Variants in NOTCH1 observed in about 807,000 individuals in gnomAD.
The protein encoded by NOTCH1 is notch receptor 1, also known as neurogenic locus notch homolog protein 1.
Under a neutral mutation model 254.8 loss-of-function variants are expected in NOTCH1, and 37 were observed. The ratio of observed to expected loss-of-function variants is 0.15; its 90% CI spans 0.11 to 0.19. The LOEUF is 0.19. Ranked by LOEUF, NOTCH1 falls within the 10% of genes least tolerant of loss-of-function variation. The pLI is 1.00. For missense variants in NOTCH1, 2,972 were observed against 3,708.6 expected, an observed-to-expected ratio of 0.80 and a Z score of 5.16; for synonymous variants, 1,731 against 1,618.1, an observed-to-expected ratio of 1.07 and a Z score of -1.68.
chr9:136,538,228 C>T lies in NOTCH1; in HGVS notation c.140+5796G>A, dbSNP rs113645795. On this transcript the variant is annotated intron_variant, in intron 2 of 33. Coordinates refer to ENST00000651671, the MANE Select transcript of NOTCH1 (RefSeq NM_017617.5). ...GTGGGGCAGGGCCACAAGGAGAACC[C>T]AACCAGGCAACTTTGGAAAAGGGCT... Among the ~76,000 whole-genome samples, 1,422 of 152,240 alleles carry T rather than the reference C, an allele frequency of 9.3e-3. 3 individuals carry two copies. The highest frequency in any genetic ancestry group is 0.015 in the Non-Finnish European group (1,050 of 68,000).
At position 136,501,615 on chromosome 9, in the gene NOTCH1, C is replaced by T. The variant is rs140999469; in HGVS notation, c.5638+133G>A. 2.8e-3 allele frequency: 3,114 copies of T among 1,112,414 alleles called. 7 individuals are homozygous for T. The highest frequency in any genetic ancestry group is 3.7e-3 in the Non-Finnish European group (2,891 of 775,088). 68.9% of individuals were successfully genotyped at this position (1,112,414 alleles called of 1,614,324 possible). On this transcript the variant is annotated intron_variant, in intron 30 of 33. Transcript: ENST00000651671. ...CCCCACGTCTACTCTGAATGGGAAA[C>T]ACCCCAAGGATGAAAGCTCTCACCC...
In NOTCH1 at chr9:136,522,433, G is replaced by A. The variant is rs528181740; in HGVS notation, c.742+417C>T. Among the ~76,000 whole-genome samples, 6 of 152,318 alleles carry A rather than the reference G, an allele frequency of 3.9e-5. No homozygotes were observed. In the East Asian group the frequency reaches 1.2e-3, roughly 29 times the overall value. ...CTGCGCCTACCTGTCACCCACACCC[G>A]CAGGAGACCAGCAGGATGGCAGGAA... On this transcript the variant is annotated intron_variant, in intron 4 of 33. Transcript: ENST00000651671.
chr9:136,508,169 G>A (rs2133346768), intron 20 of NOTCH1, 30 bp from the exon 21 acceptor site: 1 of 1,608,438 alleles, frequency 6.2e-7, no homozygotes, highest in Non-Finnish European at 8.5e-7. Context: ...AGACAGGTGA[G>A]GCCCAGGCCC....
In NOTCH1 at chr9:136,504,101, G is replaced by C. The variant is rs561723801; in HGVS notation, c.5018+572C>G. Among the ~76,000 whole-genome samples the C allele has an allele frequency of 1.1e-4, 17 of 152,320 alleles. No individual in the cohort carries two copies. The East Asian group carries it at 3.1e-3, about 28-fold the overall frequency. ...CCTGCCTCCTCTCCAGCCCAAGCCA[G>C]GCAGACGCCATGACCAAGCGGCATT... On this transcript the variant is annotated intron_variant, in intron 26 of 33. Coordinates refer to ENST00000651671, the MANE Select transcript of NOTCH1 (RefSeq NM_017617.5).
chr9:136,528,046 T>C (rs1171957425), intron 2 of NOTCH1, among the ~76,000 whole-genome samples: 2 of 152,020 alleles, frequency 1.3e-5, no homozygotes, highest in Non-Finnish European at 2.9e-5. Context: ...ATTGTGCTGT[T>C]TTCCTTTCTA....
At position 136,507,452 on chromosome 9, in the gene NOTCH1, G is replaced by C. The variant is rs934417658; in HGVS notation, c.3511-15C>G. ...CCGGCCACGCACTGTGCAGGCGACAGAACGAGGGGCCCTTCGGCTCAGCCG... is the reference window on the plus strand; with the variant it reads ...CCGGCCACGCACTGTGCAGGCGACACAACGAGGGGCCCTTCGGCTCAGCCG... On this transcript the variant is annotated splice_polypyrimidine_tract_variant and intron_variant, in intron 21 of 33. Coordinates refer to ENST00000651671, the MANE Select transcript of NOTCH1 (RefSeq NM_017617.5). The C allele has an allele frequency of 8.8e-6, 14 of 1,595,134 alleles. No homozygotes were observed. Among genetic ancestry groups the C allele is most frequent in the South Asian group, 7.9e-5 (7 of 88,594 alleles).
In NOTCH1 at chr9:136,517,256, C is replaced by A. The variant is rs368798926; in HGVS notation, c.1555+16G>T. The stretch of plus-strand genomic sequence containing the variant: ...GTGCAGACGACCCGGGGGCAGGGGG[C>A]GGGGGTGGCCCTCACCCGTGGGGCA... On this transcript the variant is annotated intron_variant, in intron 9 of 33. Transcript: ENST00000651671. 1 of 1,525,748 alleles carries A rather than the reference C, an allele frequency of 6.6e-7. No homozygotes were observed. Among genetic ancestry groups the A allele is most frequent in the Non-Finnish European group, 9.0e-7 (1 of 1,114,142 alleles). The allele number at this position is 1,525,748 out of a possible 1,614,324, so 94.5% of individuals were successfully genotyped here. A position where few individuals can be genotyped will look rare whatever the true frequency, so the allele number is the denominator to read the frequency against.
chr9:136,543,129 GC>G (rs1426143258), intron 2 of NOTCH1: 2 of 159,146 alleles, frequency 1.3e-5, no homozygotes, highest in Admixed American at 1.3e-4. Flanking sequence ...CTCTTCCCCA[GC>G]CCCAGCCTGA....
At chr9:136,497,978 C>G (rs1488126681) in intron 33 of NOTCH1, among the ~76,000 whole-genome samples, 1 of 152,156 alleles carries the variant, frequency 6.6e-6, no homozygotes, top group Non-Finnish European at 1.5e-5. Context: ...ATCAAGCCAC[C>G]CTGGTGGCCA....
Position 136,545,797 on chromosome 9 carries a change from C to T in NOTCH1, c.-11G>A, listed in dbSNP as rs1387473712. On this transcript the variant is annotated 5_prime_UTR_variant, in exon 1 of 34. Coordinates refer to ENST00000651671, the MANE Select transcript of NOTCH1 (RefSeq NM_017617.5). This position sits in a 1 kb window ranked among gnomAD's most constrained non-coding sequence, Gnocchi z 6.8. ...CAGGAGCGGCGGCATGCCTCCCCAC[C>T]GGCTGCCCTCTGCGCCCGGGCGGCG... 8 of 1,287,926 alleles carry T rather than the reference C, an allele frequency of 6.2e-6. No homozygotes were observed. The highest frequency in any genetic ancestry group is 7.9e-6 in the Non-Finnish European group (8 of 1,017,080). The allele number at this position is 1,287,926 out of a possible 1,614,324, so 79.8% of individuals were successfully genotyped here.
intron 2 of NOTCH1, among the ~76,000 whole-genome samples, chr9:136,532,046 G>A (rs1589077733): frequency 6.6e-6 from 1 of 152,196 alleles, no homozygotes; most frequent in South Asian, 2.1e-4. Context: ...CACTCTGCCC[G>A]GGCCCAGCGT....
In NOTCH1 at chr9:136,500,655, G is replaced by A. The variant is rs2133325938; in HGVS notation, c.5831C>T (p.Ala1944Val). Residue 1944 changes from alanine to valine, a missense_variant, in exon 31 of 34, where the codon GCC becomes GTC. Ala to Val is a moderately conservative substitution (Grantham distance 64). Coordinates refer to ENST00000651671, the MANE Select transcript of NOTCH1 (RefSeq NM_017617.5). The part of the protein sequence containing the change: ...LAARYSRSDA[A>V]KRLLEASADA... ...TGCGCTGGCCTCCAGCAGGCGCTTG[G>A]CGGCATCAGAGCGTGAGTAGCGGGC... 1 of 1,611,834 alleles carries A rather than the reference G, an allele frequency of 6.2e-7. No homozygotes were observed. Among genetic ancestry groups the A allele is most frequent in the Non-Finnish European group, 8.5e-7 (1 of 1,179,892 alleles).
At position 136,506,574 on chromosome 9, in the gene NOTCH1, C is replaced by T. The variant is rs1843088920; in HGVS notation, c.3967G>A (p.Ala1323Thr). Residue 1323 changes from alanine (A) to threonine (T), a missense_variant, in exon 24 of 34, where the codon GCC becomes ACC. Around this residue, in one of 8 missense-constraint regions of NOTCH1, gnomAD observed 1,343 missense variants for 1,557.0 expected, o/e 0.86. Transcript: ENST00000651671. This position sits in a 1 kb window ranked among gnomAD's most constrained non-coding sequence, Gnocchi z 4.5. The stretch of plus-strand genomic sequence containing the variant: ...CCGCGGGCGGTGTTGGAGGCCACGG[C>T]GCAGGTGCCCCCATTCTTGCAGGGC... ...GKPCKNGGTC[A>T]VASNTARGFI... The T allele has an allele frequency of 3.1e-6, 5 of 1,610,600 alleles. No individual in the cohort carries two copies. The highest frequency in any genetic ancestry group is 2.2e-5 in the East Asian group (1 of 44,826).
At chr9:136,504,372 C>T (rs1179057450) in intron 26 of NOTCH1, among the ~76,000 whole-genome samples, 3 of 152,208 alleles carry the variant, frequency 2.0e-5, no homozygotes, top group Non-Finnish European at 4.4e-5. Flanking sequence ...TATCCAGTGC[C>T]TAAGGCACAG....
At position 136,496,581 on chromosome 9, in the gene NOTCH1, C is replaced by T. The variant is rs371664086; in HGVS notation, c.7158G>A (p.Gln2386=). 24 of 1,612,410 alleles carry T rather than the reference C, an allele frequency of 1.5e-5. No individual in the cohort carries two copies. Among genetic ancestry groups the T allele is most frequent in the African/African-American group, 2.7e-5 (2 of 74,946 alleles). ...GCTGCTGCATCTGTAAGTTTTGTGG[C>T]TGCACCTGCTGGGTCTGCACCAGGT... The part of the protein sequence containing the change: ...QPHLVQTQQV[Q]PQNLQMQQQN... The change falls in exon 34 of 34, where the codon CAG becomes CAA. Residue 2386 remains glutamine (Q), a synonymous_variant. Transcript: ENST00000651671.
rs1476071663 is a variant in NOTCH1 at position 136,531,803 on chromosome 9, T to A, written c.141-7824A>T. 4.6e-5 allele frequency among the ~76,000 whole-genome samples: 7 copies of A among 152,238 alleles called. 1 individual carries two copies. The highest frequency in any genetic ancestry group is 1.0e-4 in the Non-Finnish European group (7 of 68,026). Reference sequence around the variant, plus strand: ...TCCCGGGAAACCACCAGGACACCTCTGTGTGCCTCCCGATTCGGCCGCAGA... The same window carrying A: ...TCCCGGGAAACCACCAGGACACCTCAGTGTGCCTCCCGATTCGGCCGCAGA... On this transcript the variant is annotated intron_variant, in intron 2 of 33. Transcript: ENST00000651671.
chr9:136,514,489 A>G, intron 13 of NOTCH1, 21 bp downstream of exon 13: 1 of 1,552,910 alleles, frequency 6.4e-7, no homozygotes, highest in Non-Finnish European at 8.7e-7. Flanking sequence ...ATGTGTCCCC[A>G]TGATCGGCCC....
At chr9:136,498,706 A>T (rs1378804748) in intron 33 of NOTCH1, among the ~76,000 whole-genome samples, 193 bp downstream of exon 33, 1 of 152,102 alleles carries the variant, frequency 6.6e-6, no homozygotes, top group East Asian at 1.9e-4. Context: ...AGGGCTCCAT[A>T]AACGGGGGCT....
chr9:136,529,100 C>G (rs550632662), intron 2 of NOTCH1, among the ~76,000 whole-genome samples: 1 of 152,334 alleles, frequency 6.6e-6, no homozygotes, highest in Non-Finnish European at 1.5e-5. Context: ...TGCTAAGACC[C>G]AGCAAGGCTG....
Sources: allele counts gnomAD v4.1 joint callset (sites outside exome capture counted in the v4.1 genomes callset), GRCh38; gene constraint gnomAD v4.1.1; regional missense constraint gnomAD v4.1.1; non-coding constraint Gnocchi (gnomAD v3.1); transcripts MANE v1.5; gene names NCBI Gene and HGNC (gene_info 2026-07-23, HGNC 2026-07-21).